The following HEATR6 variants were observed in gnomAD, a reference collection of about 807,000 sequenced individuals.
HEATR6 encodes HEAT repeat containing 6, also known as HEAT repeat-containing protein 6.
Under a neutral mutation model 132.8 loss-of-function variants are expected in HEATR6, and 106 were observed. The ratio of observed to expected loss-of-function variants is 0.80; its 90% CI spans 0.68 to 0.94. HEATR6 has a LOEUF of 0.94. Among genes scored for constraint, HEATR6 ranks in the 40% least tolerant of loss-of-function variants. The probability of loss-of-function intolerance (pLI) is 0.00; values close to 1 mark genes in which losing one functional copy is unlikely to be tolerated. For missense variants in HEATR6, 1,339 were observed against 1,425.1 expected (o/e 0.94, Z 0.97); for synonymous variants, 529 against 537.8 (o/e 0.98, Z 0.23).
chr17:60,074,100 G>C, intron 2 of HEATR6: 3 of 1,262,382 alleles, frequency 2.4e-6, no homozygotes, highest in Non-Finnish European at 1.0e-6. Context: ...TTCCTCTTTA[G>C]TAAAGTAGAA....
intron 2 of HEATR6, 75 bp from the exon 3 acceptor site, chr17:60,073,961 C>A: frequency 6.5e-7 from 1 of 1,537,086 alleles, no homozygotes. Context: ...TGTATGCTCA[C>A]CTGAATCAAG....
rs745390730 is a variant in HEATR6 at position 60,043,593 on chromosome 17, T to TTG, written c.3514_3515dup (p.Gln1172HisfsTer8). 24 of 1,613,608 alleles carry TTG rather than the reference T, an allele frequency of 1.5e-5. No individual in the cohort carries two copies. In the African/African-American group the frequency reaches 3.2e-4, roughly 22 times the overall value. ...GATTTGTTAACCCTGGGAGTGCCCC[T>TTG]TGTGATCCAGATGAGTCAAAACAAA... On this transcript the variant is annotated frameshift_variant, in exon 20 of 20. Coordinates refer to ENST00000184956, the MANE Select transcript of HEATR6 (RefSeq NM_022070.5). LOFTEE classifies it high-confidence loss of function.
At chr17:60,068,631 C>G (rs2083254638) in intron 7 of HEATR6, among the ~76,000 whole-genome samples, 1 of 151,056 alleles carries the variant, frequency 6.6e-6, no homozygotes, top group Non-Finnish European at 1.5e-5. Context: ...CTTTCTCTCC[C>G]CGCACTGAAA....
Position 60,044,110 on chromosome 17 carries a change from G to T in HEATR6, c.2999C>A (p.Ala1000Asp). ...PLGTAPWTSQ[A>D]YNALTSVVTS... Reference sequence around the variant, plus strand: ...CACGACCGATGTCAGGGCATTGTAGGCCTGGGAGGTCCATGGGGCTGTCCC... The same window carrying T: ...CACGACCGATGTCAGGGCATTGTAGTCCTGGGAGGTCCATGGGGCTGTCCC... Residue 1000 changes from alanine (A) to aspartate (D), a missense_variant, in exon 20 of 20, where the codon GCC (alanine) becomes GAC (aspartate). Physicochemically the swap from Ala to Asp is moderately radical, Grantham distance 126. Transcript: ENST00000184956. The T allele has an allele frequency of 1.9e-6, 3 of 1,612,082 alleles. No individual in the cohort carries two copies. The highest frequency in any genetic ancestry group is 1.7e-6 in the Non-Finnish European group (2 of 1,178,908).
At chr17:60,057,836 C>T (rs1906801759) in intron 11 of HEATR6, among the ~76,000 whole-genome samples, 1 of 152,098 alleles carries the variant, frequency 6.6e-6, no homozygotes, top group African/African-American at 2.4e-5. Flanking sequence ...TGTCTAGACT[C>T]ATTTTTTTTT....
At chr17:60,072,194 C>G (rs776086626) in intron 5 of HEATR6, 21 bp downstream of exon 5, 1 of 1,277,062 alleles carries the variant, frequency 7.8e-7, no homozygotes, top group Admixed American at 1.9e-5. Context: ...ACATTCACTA[C>G]GTCAATGATA....
At chr17:60,051,017 A>T (rs1256037871) in intron 14 of HEATR6, 40 bp from the exon 15 acceptor site, 1 of 1,606,678 alleles carries the variant, frequency 6.2e-7, no homozygotes, top group African/African-American at 1.3e-5. Context: ...CCCAAGACAT[A>T]ACAGGGGAAC....
Position 60,078,834 on chromosome 17 carries a change from G to T in HEATR6, c.81C>A (p.Gly27=). Reference sequence around the variant, plus strand: ...TGGCAGACAAGAGGCGAAACCCATTGCCTCGCTCAGGGATTGCTTCCCGCG... The same window carrying T: ...TGGCAGACAAGAGGCGAAACCCATTTCCTCGCTCAGGGATTGCTTCCCGCG... ...EAPREAIPER[G]NGFRLLSARL... The change falls in exon 1 of 20, where the codon GGC becomes GGA. Residue 27 remains glycine (G), a synonymous_variant. Coordinates refer to ENST00000184956, the MANE Select transcript of HEATR6 (RefSeq NM_022070.5). 1 of 1,608,390 alleles carries T rather than the reference G, an allele frequency of 6.2e-7. No individual in the cohort carries two copies. The highest frequency in any genetic ancestry group is 8.5e-7 in the Non-Finnish European group (1 of 1,178,198).
chr17:60,070,244 A>G (rs1455744408), intron 6 of HEATR6, among the ~76,000 whole-genome samples: 2 of 152,168 alleles, frequency 1.3e-5, no homozygotes, highest in East Asian at 3.9e-4. Context: ...TGCCACAAGG[A>G]AAGAATTACT....
rs1426397761 is a variant in HEATR6 at position 60,043,281 on chromosome 17, T to G, written c.*282A>C. On this transcript the variant is annotated 3_prime_UTR_variant, in exon 20 of 20. Transcript: ENST00000184956. ...CTTCTACATTTTTTTTTTCTGAGACTAAATGCCCTCAAAGCCCGTCTGCTT... is the reference window on the plus strand; with the variant it reads ...CTTCTACATTTTTTTTTTCTGAGACGAAATGCCCTCAAAGCCCGTCTGCTT... The G allele has an allele frequency of 2.7e-6, 1 of 376,380 alleles. No individual in the cohort carries two copies. Among genetic ancestry groups the G allele is most frequent in the African/African-American group, 2.1e-5 (1 of 47,978 alleles). 23.3% of individuals were successfully genotyped at this position (376,380 alleles called of 1,614,324 possible). A position where few individuals can be genotyped will look rare whatever the true frequency, so the allele number is the denominator to read the frequency against.
Position 60,043,666 on chromosome 17 carries a change from T to G in HEATR6, c.3443A>C (p.Asp1148Ala), listed in dbSNP as rs751156949. Reference protein sequence around the residue: ...HMGSIQAPTGDTARRAIMGFL... With the variant: ...HMGSIQAPTGATARRAIMGFL... ...GCCCATGATGGCCCTTCTGGCTGTG[T>G]CTCCAGTTGGTGCCTGGATGCTGCC... The change falls in exon 20 of 20, where the codon GAC (aspartate) becomes GCC (alanine). Residue 1148 changes from aspartate to alanine, a missense_variant. Asp to Ala is a moderately radical substitution (Grantham distance 126, BLOSUM62 -2). Transcript: ENST00000184956. The G allele has an allele frequency of 2.5e-6, 4 of 1,614,182 alleles. No individual in the cohort carries two copies. The Admixed American group carries it at 6.7e-5, about 27-fold the overall frequency.
Position 60,072,343 on chromosome 17 carries a change from G to C in HEATR6, c.585-14C>G, listed in dbSNP as rs752686869. On this transcript the variant is annotated splice_polypyrimidine_tract_variant and intron_variant, in intron 4 of 19. Coordinates refer to ENST00000184956, the MANE Select transcript of HEATR6 (RefSeq NM_022070.5). The stretch of plus-strand genomic sequence containing the variant: ...TGTCCTGGCACACTAAACGCATACA[G>C]AGAAAACAACTCAAACTCAGTCTCC... 6.9e-7 allele frequency: 1 copy of C among 1,456,026 alleles called. No homozygotes were observed. The highest frequency in any genetic ancestry group is 1.2e-5 in the South Asian group (1 of 82,718). 90.2% of individuals were successfully genotyped at this position (1,456,026 alleles called of 1,614,324 possible).
intron 9 of HEATR6, 86 bp downstream of exon 9, chr17:60,066,123 G>T: frequency 8.6e-7 from 1 of 1,164,220 alleles, no homozygotes; most frequent in Non-Finnish European, 1.3e-6. Flanking sequence ...GCTATATTCA[G>T]ATCAGACAGG....
rs1220209885 is a variant in HEATR6 at position 60,044,117 on chromosome 17, A to G, written c.2992T>C (p.Ser998Pro). The G allele has an allele frequency of 1.9e-6, 3 of 1,610,972 alleles. No homozygotes were observed. Among genetic ancestry groups the G allele is most frequent in the Non-Finnish European group, 2.5e-6 (3 of 1,178,380 alleles). The change falls in exon 20 of 20, where the codon TCC (serine) becomes CCC (proline). Residue 998 changes from serine (S) to proline (P), a missense_variant. Physicochemically the swap from Ser to Pro is moderately conservative, Grantham distance 74 (BLOSUM62 -1). Coordinates refer to ENST00000184956, the MANE Select transcript of HEATR6 (RefSeq NM_022070.5). ...GATGTCAGGGCATTGTAGGCCTGGG[A>G]GGTCCATGGGGCTGTCCCTAGAAAG... ...ALPLGTAPWT[S>P]QAYNALTSVV...
At chr17:60,056,074 T>C in intron 13 of HEATR6, 41 bp downstream of exon 13, 3 of 1,605,048 alleles carry the variant, frequency 1.9e-6, no homozygotes, top group Non-Finnish European at 2.6e-6. Flanking sequence ...GGATATAAAG[T>C]GAAGAGAAGG....
Position 60,049,573 on chromosome 17 carries a change from C to T in HEATR6, c.2547+7G>A. On this transcript the variant is annotated splice_region_variant and intron_variant, in intron 16 of 19. Transcript: ENST00000184956. ...GGCACAGAAGAGCTAAATAGGCTCA[C>T]TCTGACCTGTCTGAGACAGGGAAAA... 6.2e-7 allele frequency: 1 copy of T among 1,613,622 alleles called. No homozygotes were observed. Among genetic ancestry groups the T allele is most frequent in the South Asian group, 1.1e-5 (1 of 91,080 alleles).
intron 8 of HEATR6, among the ~76,000 whole-genome samples, chr17:60,067,222 A>T (rs1397464572): frequency 6.8e-6 from 1 of 146,914 alleles, no homozygotes; most frequent in Non-Finnish European, 1.5e-5. Context: ...GTGAGCCGAG[A>T]TCCCGCCACT....
rs1373821782 is a variant in HEATR6 at position 60,073,267 on chromosome 17, G to A, written c.481C>T (p.Leu161=). ...ATTAAGAGTCCGGTGTTGCCTAGCA[G>A]CTCTGGGAGGTACTAAGAAAAATAA... ...GSKCQKYLPE[L]LGNTGLLMKL... The change falls in exon 4 of 20, where the codon CTG becomes TTG. Residue 161 remains leucine, a synonymous_variant. Transcript: ENST00000184956. 6.2e-7 allele frequency: 1 copy of A among 1,603,268 alleles called. No individual in the cohort carries two copies. The highest frequency in any genetic ancestry group is 2.2e-5 in the East Asian group (1 of 44,840).
chr17:60,049,545 A>G (rs760671066), intron 16 of HEATR6, 35 bp downstream of exon 16: 45 of 1,610,610 alleles, frequency 2.8e-5, no homozygotes, highest in Non-Finnish European at 3.7e-5. Context: ...GGACTACAAA[A>G]GGGGCACAGA....
Sources: gnomAD v4.1 joint callset for allele counts (sites outside exome capture counted in the v4.1 genomes callset) on GRCh38, gnomAD v4.1.1 for gene constraint, MANE v1.5 for transcripts, NCBI Gene and HGNC (gene_info 2026-07-23, HGNC 2026-07-21) for gene names.